The following TTC29 variants were observed in gnomAD, a reference collection of about 807,000 sequenced individuals.
TTC29 encodes the protein tetratricopeptide repeat protein 29.
Under a neutral mutation model 58.1 loss-of-function variants are expected in TTC29, and 49 were observed. The ratio of observed to expected loss-of-function variants is 0.84; its 90% CI spans 0.67 to 1.07. TTC29 has a LOEUF of 1.07. TTC29 is among the 50% of genes least tolerant of loss of function. TTC29 has a pLI of 0.00. For missense variants in TTC29, 582 were observed against 555.6 expected, an observed-to-expected ratio of 1.05 and a Z score of -0.48; for synonymous variants, 209 against 196.8, an observed-to-expected ratio of 1.06 and a Z score of -0.52.
At chr4:146,749,690 T>C (rs1193394944) in intron 11 of TTC29, among the ~76,000 whole-genome samples, 2 of 152,120 alleles carry the variant, frequency 1.3e-5, no homozygotes, top group Non-Finnish European at 2.9e-5. Flanking sequence ...TTGATGAAAC[T>C]AAAAATGTTC....
chr4:146,846,542 A>G (rs1157545655), intron 8 of TTC29, among the ~76,000 whole-genome samples: 1 of 152,234 alleles, frequency 6.6e-6, no homozygotes, highest in Non-Finnish European at 1.5e-5. Context: ...AGTCACTAGC[A>G]TGGTGACAAG....
At chr4:146,896,102 T>G (rs1324032222) in intron 6 of TTC29, among the ~76,000 whole-genome samples, 1 of 152,220 alleles carries the variant, frequency 6.6e-6, no homozygotes, top group African/African-American at 2.4e-5. Flanking sequence ...TTAATTGATT[T>G]AATTGTTTAC....
At chr4:146,734,006 T>C (rs1309156125) in intron 11 of TTC29, among the ~76,000 whole-genome samples, 3 of 152,158 alleles carry the variant, frequency 2.0e-5, no homozygotes, top group Non-Finnish European at 4.4e-5. Flanking sequence ...TTCTAATAAA[T>C]GGAAACATTG....
intron 11 of TTC29, among the ~76,000 whole-genome samples, chr4:146,760,903 T>C (rs1019229213): frequency 1.3e-5 from 2 of 150,340 alleles, no homozygotes; most frequent in African/African-American, 4.9e-5. Context: ...TACACAGCCA[T>C]AAAAAGGAAT....
chr4:146,743,492 C>T (rs1274676625), intron 11 of TTC29, among the ~76,000 whole-genome samples: 1 of 152,124 alleles, frequency 6.6e-6, no homozygotes, highest in African/African-American at 2.4e-5. Flanking sequence ...CACAGCCAGA[C>T]TGCTCTTTTT....
intron 10 of TTC29, among the ~76,000 whole-genome samples, chr4:146,807,922 TAG>T (rs1269175422): frequency 1.3e-5 from 2 of 152,040 alleles, no homozygotes; most frequent in South Asian, 2.1e-4. Flanking sequence ...CAAAACCTGG[TAG>T]AGACACAACA....
intron 6 of TTC29, among the ~76,000 whole-genome samples, chr4:146,892,491 T>G (rs1034450232): frequency 6.6e-6 from 1 of 152,208 alleles, no homozygotes; most frequent in African/African-American, 2.4e-5. Flanking sequence ...CAACGCTTCA[T>G]GCTAAAAACT....
At chr4:146,728,877 A>T (rs62327979) in intron 11 of TTC29, among the ~76,000 whole-genome samples, 1 of 68,622 alleles carries the variant, frequency 1.5e-5, no homozygotes. Context: ...ATGTGTGTGT[A>T]TATATATATG....
chr4:146,859,566 C>A lies in TTC29; in HGVS notation c.885+7932G>T, dbSNP rs538343212. On this transcript the variant is annotated intron_variant, in intron 8 of 12. Coordinates refer to ENST00000325106, the MANE Select transcript of TTC29 (RefSeq NM_031956.4). Reference sequence around the variant, plus strand: ...AAACCAGCGTTATCCCTACTGGGTTCTATTACGCACATAACAGTTATAATT... The same window carrying A: ...AAACCAGCGTTATCCCTACTGGGTTATATTACGCACATAACAGTTATAATT... Among the ~76,000 whole-genome samples, 8 of 152,216 alleles carry A rather than the reference C, an allele frequency of 5.3e-5. No homozygotes were observed. The South Asian group carries it at 1.7e-3, about 32-fold the overall frequency.
At chr4:146,834,592 T>A (rs571258288) in intron 8 of TTC29, among the ~76,000 whole-genome samples, 1 of 152,312 alleles carries the variant, frequency 6.6e-6, no homozygotes, top group Admixed American at 6.5e-5. Context: ...TTCTTCCTTT[T>A]TCCTTCATTA....
chr4:146,722,019 G>T (rs911250779), intron 11 of TTC29, among the ~76,000 whole-genome samples: 1 of 150,410 alleles, frequency 6.6e-6, no homozygotes, highest in Non-Finnish European at 1.5e-5. Flanking sequence ...CAACAATAAC[G>T]TTCAAGCTGA....
chr4:146,801,874 G>A (rs988983901), intron 11 of TTC29, among the ~76,000 whole-genome samples: 1 of 148,956 alleles, frequency 6.7e-6, no homozygotes, highest in Admixed American at 6.7e-5. Context: ...AGCTCCTCAG[G>A]AGGCTGAAGC....
chr4:146,815,649 A>C (rs1334605881), intron 10 of TTC29, among the ~76,000 whole-genome samples: 2 of 152,232 alleles, frequency 1.3e-5, no homozygotes, highest in African/African-American at 4.8e-5. Context: ...TGCCTAAATA[A>C]TATTCTAAAG....
intron 11 of TTC29, among the ~76,000 whole-genome samples, chr4:146,722,478 T>C (rs954551871): frequency 3.3e-5 from 5 of 151,930 alleles, no homozygotes; most frequent in Non-Finnish European, 5.9e-5. Context: ...AACAGACACA[T>C]AGACCAATGG....
At position 146,855,570 on chromosome 4, in the gene TTC29, G is replaced by T. The variant is rs1729791893; in HGVS notation, c.885+11928C>A. Among the ~76,000 whole-genome samples the T allele has an allele frequency of 2.0e-5, 3 of 152,244 alleles. 1 individual carries two copies. The highest frequency in any genetic ancestry group is 4.4e-5 in the Non-Finnish European group (3 of 68,014). On this transcript the variant is annotated intron_variant, in intron 8 of 12. Coordinates refer to ENST00000325106, the MANE Select transcript of TTC29 (RefSeq NM_031956.4). The stretch of plus-strand genomic sequence containing the variant: ...AGAAAGTTGAAATTACTGGGTAAAA[G>T]AGTTTTTTACAAGTATATGGATTGA...
chr4:146,817,735 A>T (rs1218119507), intron 10 of TTC29, among the ~76,000 whole-genome samples: 1 of 152,198 alleles, frequency 6.6e-6, no homozygotes, highest in Non-Finnish European at 1.5e-5. Flanking sequence ...CAAAACAGAG[A>T]TATAGATCAA....
Position 146,764,821 on chromosome 4 carries a change from G to T in TTC29, c.1330+38636C>A, listed in dbSNP as rs116022565. Among the ~76,000 whole-genome samples, 573 of 152,148 alleles carry T rather than the reference G, an allele frequency of 3.8e-3. 2 individuals are homozygous for T. The highest frequency in any genetic ancestry group is 6.9e-3 in the Non-Finnish European group (468 of 67,976). The stretch of plus-strand genomic sequence containing the variant: ...TACTGAATAAATTCAGTTCAAACAG[G>T]ATGATCATGTCCTGAGGTACCACTA... On this transcript the variant is annotated intron_variant, in intron 11 of 12. Transcript: ENST00000325106.
intron 8 of TTC29, among the ~76,000 whole-genome samples, chr4:146,848,567 C>T (rs1443282904): frequency 3.3e-5 from 5 of 152,188 alleles, no homozygotes; most frequent in Non-Finnish European, 7.4e-5. Flanking sequence ...TCTGAAATAA[C>T]ATACAAGCTG....
chr4:146,716,091 T>C (rs1259847616), intron 11 of TTC29, among the ~76,000 whole-genome samples: 3 of 152,110 alleles, frequency 2.0e-5, no homozygotes, highest in East Asian at 1.9e-4. Flanking sequence ...TCAACATCTC[T>C]CGAATCTGAA....
Sources: allele counts gnomAD v4.1 joint callset (sites outside exome capture counted in the v4.1 genomes callset), GRCh38; gene constraint gnomAD v4.1.1; transcripts MANE v1.5; gene names NCBI Gene and HGNC (gene_info 2026-07-23, HGNC 2026-07-21).